FGGY: variants seen among roughly 807,000 people sequenced by gnomAD.
FGGY encodes FGGY carbohydrate kinase domain containing, also known as FGGY carbohydrate kinase domain-containing protein.
In FGGY, 72 loss-of-function variants were observed where a neutral mutation model predicts 71.3. The ratio of observed to expected loss-of-function variants is 1.01; its 90% CI spans 0.84 to 1.23. The LOEUF (loss-of-function observed/expected upper bound fraction) is 1.23, where lower values mean the gene tolerates loss of function less well. FGGY is among the 50% of genes most tolerant of loss of function. The probability of loss-of-function intolerance (pLI) is 0.00; values close to 1 mark genes in which losing one functional copy is unlikely to be tolerated. For synonymous variants in FGGY, 251 were observed against 250.3 expected (o/e 1.00, Z -0.02); for missense variants, 668 against 682.3 (o/e 0.98, Z 0.23).
chr1:59,346,209 ATG>A, intron 3 of FGGY, 36 bp from the exon 4 acceptor site: 1 of 1,609,820 alleles, frequency 6.2e-7, no homozygotes, highest in Non-Finnish European at 8.5e-7. Context: ...AAGGAAGAGA[ATG>A]TGTGTCCATC....
intron 4 of FGGY, among the ~76,000 whole-genome samples, chr1:59,354,836 G>T (rs563186418): frequency 1.6e-4 from 24 of 152,336 alleles, no homozygotes; most frequent in African/African-American, 4.8e-4. Flanking sequence ...AAACACAGAT[G>T]AACAGATTTG....
chr1:59,622,999 C>T (rs2096824764), intron 9 of FGGY, among the ~76,000 whole-genome samples: 1 of 152,106 alleles, frequency 6.6e-6, no homozygotes, highest in Non-Finnish European at 1.5e-5. Flanking sequence ...TTGCTCTAGG[C>T]ACTGAGGAGT....
chr1:59,300,190 T>C (rs984366068), intron 1 of FGGY, among the ~76,000 whole-genome samples: 4 of 152,198 alleles, frequency 2.6e-5, no homozygotes, highest in Admixed American at 1.3e-4. Context: ...AGTTTTGTTA[T>C]ATGCATATAT....
intron 8 of FGGY, among the ~76,000 whole-genome samples, chr1:59,593,523 G>A (rs895716279): frequency 3.3e-4 from 50 of 152,120 alleles, no homozygotes; most frequent in African/African-American, 1.1e-3. Context: ...CTATCTCACC[G>A]GCTTGTGATA....
intron 6 of FGGY, among the ~76,000 whole-genome samples, chr1:59,465,633 C>A (rs2092573063): frequency 6.6e-6 from 1 of 152,122 alleles, no homozygotes; most frequent in South Asian, 2.1e-4. Flanking sequence ...AAAATCTCCT[C>A]AGCTAATAAG....
chr1:59,312,587 T>C (rs779858563), intron 1 of FGGY, among the ~76,000 whole-genome samples: 1 of 152,144 alleles, frequency 6.6e-6, no homozygotes, highest in Non-Finnish European at 1.5e-5. Flanking sequence ...GAAGATGGTA[T>C]GGGAGATCTG....
At chr1:59,617,517 T>C (rs992116797) in intron 9 of FGGY, among the ~76,000 whole-genome samples, 2 of 152,108 alleles carry the variant, frequency 1.3e-5, no homozygotes, top group Non-Finnish European at 2.9e-5. Context: ...TTCCTAAGGA[T>C]GATTGATTTT....
intron 5 of FGGY, among the ~76,000 whole-genome samples, chr1:59,392,359 C>A (rs890294344): frequency 7.2e-5 from 11 of 152,122 alleles, no homozygotes; most frequent in African/African-American, 2.4e-4. Flanking sequence ...GTTTTCAGGA[C>A]CTACATCACA....
chr1:59,479,648 C>CAG (rs569370189), intron 6 of FGGY, among the ~76,000 whole-genome samples: 7 of 152,108 alleles, frequency 4.6e-5, no homozygotes, highest in Non-Finnish European at 1.0e-4. Flanking sequence ...GATCTTCTGA[C>CAG]AGAGTGGTAG....
chr1:59,635,581 GAA>G, intron 10 of FGGY, among the ~76,000 whole-genome samples: 1 of 150,810 alleles, frequency 6.6e-6, no homozygotes, highest in South Asian at 2.1e-4. Context: ...TTTACTTTAA[GAA>G]CAGTGGCTAT....
At chr1:59,420,237 CACCAGAAAAT>C (rs1217461009) in intron 5 of FGGY, among the ~76,000 whole-genome samples, 2 of 152,210 alleles carry the variant, frequency 1.3e-5, no homozygotes, top group Non-Finnish European at 2.9e-5. Flanking sequence ...TGCTGTGAGG[CACCAGAAAAT>C]GTCTCCTGAA....
At chr1:59,501,659 A>G (rs898751931) in intron 6 of FGGY, among the ~76,000 whole-genome samples, 8 of 152,238 alleles carry the variant, frequency 5.3e-5, no homozygotes, top group Admixed American at 2.0e-4. Context: ...TGTTCTTAAA[A>G]TAACTCTAAA....
At chr1:59,733,153 C>A (rs531681121) in intron 14 of FGGY, 2 of 154,474 alleles carry the variant, frequency 1.3e-5, no homozygotes, top group East Asian at 1.9e-4. Flanking sequence ...TCATGGAGTC[C>A]CCGGGCCTGT....
intron 4 of FGGY, among the ~76,000 whole-genome samples, chr1:59,366,415 C>T (rs771069548): frequency 4.6e-5 from 7 of 152,194 alleles, no homozygotes; most frequent in Non-Finnish European, 8.8e-5. Flanking sequence ...GCTTGCATCT[C>T]TCCCCGGAAG....
intron 11 of FGGY, among the ~76,000 whole-genome samples, chr1:59,646,721 T>C (rs1233233156): frequency 6.6e-6 from 1 of 152,120 alleles, no homozygotes; most frequent in Non-Finnish European, 1.5e-5. Flanking sequence ...GACAATGTTG[T>C]TGTCCCATTT....
rs1020671398 is a variant in FGGY, at chr1:59,642,704, C to A, written c.1221+4329C>A. ...TGAACATGTGTACCTGTCTAGTTAG[C>A]GTAAATGTTGAAAAATAATGGCCCC... is the stretch of plus-strand genomic sequence containing the variant. On this transcript the variant is annotated intron_variant, in intron 11 of 15. Transcript: ENST00000303721. Among the ~76,000 whole-genome samples the A allele has an allele frequency of 3.2e-4, 48 of 149,954 alleles. 1 individual carries two copies. In the Admixed American group the frequency reaches 3.2e-3, roughly 10 times the overall value.
rs2042225783 is a variant in FGGY at position 59,298,043 on chromosome 1, G to T, written c.-15+893G>T. ...TGACTTGTAAATCAGAATGAAAGAA[G>T]GGAAAGTCTTTTATTTTGTGGCTGT... On this transcript the variant is annotated intron_variant, in intron 1 of 15. Coordinates refer to ENST00000303721, the MANE Select transcript of FGGY (RefSeq NM_018291.5). Among the ~76,000 whole-genome samples, 4 of 152,180 alleles carry T rather than the reference G, an allele frequency of 2.6e-5. No homozygotes were observed. The South Asian group carries it at 8.3e-4, about 31-fold the overall frequency.
chr1:59,471,277 T>C lies in FGGY; in HGVS notation c.670+14201T>C, dbSNP rs148876019. ...TGCTCTCTCCTGCCTTCCTTCCCCCTCTCCTTCCACCATGATTCTAAGTTT... is the reference window on the plus strand; with the variant it reads ...TGCTCTCTCCTGCCTTCCTTCCCCCCCTCCTTCCACCATGATTCTAAGTTT... On this transcript the variant is annotated intron_variant, in intron 6 of 15. Transcript: ENST00000303721. 2.8e-3 allele frequency among the ~76,000 whole-genome samples: 429 copies of C among 152,252 alleles called. 1 individual carries two copies. The highest frequency in any genetic ancestry group is 9.6e-3 in the African/African-American group (397 of 41,530).
At chr1:59,704,591 T>C (rs2097738826) in intron 14 of FGGY, among the ~76,000 whole-genome samples, 1 of 152,206 alleles carries the variant, frequency 6.6e-6, no homozygotes, top group South Asian at 2.1e-4. Context: ...CAAGATACTT[T>C]GGAATATATT....
Sources: allele counts gnomAD v4.1 joint callset (sites outside exome capture counted in the v4.1 genomes callset), GRCh38; gene constraint gnomAD v4.1.1; transcripts MANE v1.5; gene names NCBI Gene and HGNC (gene_info 2026-07-23, HGNC 2026-07-21).